The following KAT7 variants were observed in gnomAD, a reference collection of about 807,000 sequenced individuals.
KAT7 encodes lysine acetyltransferase 7.
A neutral mutation model predicts 82.1 loss-of-function variants in KAT7; 10 were observed. That is an observed-to-expected ratio of 0.12 (90% CI 0.08 to 0.21). The LOEUF (loss-of-function observed/expected upper bound fraction) is 0.21, where lower values mean the gene tolerates loss of function less well. KAT7 is among the 10% of genes least tolerant of loss of function. KAT7 has a pLI of 1.00. For synonymous variants in KAT7, 250 were observed against 262.5 expected (o/e 0.95, Z 0.46); for missense variants, 378 against 760.9 (o/e 0.50, Z 5.92).
At position 49,828,067 on chromosome 17, in the gene KAT7, A is replaced by T. The variant is rs1211515138; in HGVS notation, c.*565A>T. ...ATTAAGAGACCTCTTTTTGATCTGTATTGGGCTAACCAGAGCCAAATACTT... is the reference window on the plus strand; with the variant it reads ...ATTAAGAGACCTCTTTTTGATCTGTTTTGGGCTAACCAGAGCCAAATACTT... On this transcript the variant is annotated 3_prime_UTR_variant, in exon 15 of 15. Transcript: ENST00000259021. 6.6e-6 allele frequency: 1 copy of T among 152,488 alleles called. No individual in the cohort carries two copies. Among genetic ancestry groups the T allele is most frequent in the Non-Finnish European group, 1.5e-5 (1 of 68,300 alleles). The allele number at this position is 152,488 out of a possible 1,614,324, so 9.4% of individuals were successfully genotyped here.
chr17:49,816,153 G>T (rs1463486155), intron 8 of KAT7, among the ~76,000 whole-genome samples: 1 of 152,032 alleles, frequency 6.6e-6, no homozygotes, highest in East Asian at 1.9e-4. Flanking sequence ...GGAAGTACCA[G>T]TTTGGCTAGA....
intron 5 of KAT7, among the ~76,000 whole-genome samples, chr17:49,807,379 G>A (rs990794643): frequency 6.6e-6 from 1 of 152,194 alleles, no homozygotes; most frequent in Non-Finnish European, 1.5e-5. Flanking sequence ...AAGCAGTTGT[G>A]TAAAGATCTA....
At chr17:49,821,579 T>G in intron 10 of KAT7, 71 bp from the exon 11 acceptor site, 1 of 1,561,148 alleles carries the variant, frequency 6.4e-7, no homozygotes, top group Non-Finnish European at 8.8e-7. Context: ...TATGGTATGT[T>G]TGTGAATTTT....
rs746696166 is a variant in KAT7, at chr17:49,815,793, A to G, written c.853-10A>G. Reference sequence around the variant, plus strand: ...AGTATCAGAGTATCACGCTCTGGTTATTTTCCTAGGAACACAGACAGACCT... The same window carrying G: ...AGTATCAGAGTATCACGCTCTGGTTGTTTTCCTAGGAACACAGACAGACCT... On this transcript the variant is annotated splice_polypyrimidine_tract_variant and intron_variant, in intron 7 of 14. Transcript: ENST00000259021. The G allele has an allele frequency of 1.9e-6, 3 of 1,543,862 alleles. No homozygotes were observed. Among genetic ancestry groups the G allele is most frequent in the Non-Finnish European group, 8.9e-7 (1 of 1,117,872 alleles).
intron 4 of KAT7, among the ~76,000 whole-genome samples, chr17:49,800,442 T>C (rs1451046148): frequency 6.6e-6 from 1 of 152,174 alleles, no homozygotes; most frequent in Non-Finnish European, 1.5e-5. Context: ...TTCCTTGGAA[T>C]AAATAATGAG....
At position 49,826,740 on chromosome 17, in the gene KAT7, C is replaced by A; in HGVS notation, c.1675C>A (p.Leu559Met). 1 of 1,612,350 alleles carries A rather than the reference C, an allele frequency of 6.2e-7. No individual in the cohort carries two copies. The highest frequency in any genetic ancestry group is 1.1e-5 in the South Asian group (1 of 90,980). ...GAATCCTGTGGACATTGTCAGCACT[C>A]TGCAAGCCCTTCAGATGCTCAAATA... ...AVNPVDIVSTLQALQMLKYWK... is the reference protein window; with the variant it reads ...AVNPVDIVSTMQALQMLKYWK... Residue 559 changes from leucine (L) to methionine (M), a missense_variant, in exon 14 of 15, where the codon CTG (leucine) becomes ATG (methionine). Leu to Met is a conservative substitution (Grantham distance 15). Coordinates refer to ENST00000259021, the MANE Select transcript of KAT7 (RefSeq NM_007067.5).
chr17:49,805,305 C>T (rs1598064989), intron 4 of KAT7, 58 bp from the exon 5 acceptor site: 1 of 1,196,308 alleles, frequency 8.4e-7, no homozygotes, highest in South Asian at 1.2e-5. Context: ...CTTAGAGAAA[C>T]ATACTACTTT....
chr17:49,804,541 G>A (rs1330403888), intron 4 of KAT7, among the ~76,000 whole-genome samples: 1 of 152,022 alleles, frequency 6.6e-6, no homozygotes, highest in African/African-American at 2.4e-5. Flanking sequence ...TTTGGGAGGC[G>A]GAGGCAGGAA....
At chr17:49,820,622 A>G (rs1253423419) in intron 9 of KAT7, among the ~76,000 whole-genome samples, 1 of 152,062 alleles carries the variant, frequency 6.6e-6, no homozygotes, top group African/African-American at 2.4e-5. Context: ...TTCACCTAAC[A>G]GCAGATGGCT....
At chr17:49,813,000 CTT>C (rs34339283) in intron 7 of KAT7, among the ~76,000 whole-genome samples, 174 of 102,774 alleles carry the variant, frequency 1.7e-3, no homozygotes, top group South Asian at 3.6e-3. Flanking sequence ...TGCACCCAGC[CTT>C]TTTTTTTTTT....
At chr17:49,806,557 A>G (rs528950580) in intron 5 of KAT7, among the ~76,000 whole-genome samples, 1 of 152,198 alleles carries the variant, frequency 6.6e-6, no homozygotes, top group African/African-American at 2.4e-5. Context: ...GAAGCAGGAA[A>G]GGCTTCAGGT....
rs572944113 is a variant in KAT7 at position 49,833,158 on chromosome 17, G to A, written c.*5656G>A. 21 of 152,134 alleles carry A rather than the reference G, an allele frequency of 1.4e-4. No homozygotes were observed. Among genetic ancestry groups the A allele is most frequent in the Non-Finnish European group, 2.8e-4 (19 of 68,020 alleles). 9.4% of individuals were successfully genotyped at this position (152,134 alleles called of 1,614,324 possible). On this transcript the variant is annotated 3_prime_UTR_variant, in exon 15 of 15. Coordinates refer to ENST00000259021, the MANE Select transcript of KAT7 (RefSeq NM_007067.5). ...ATGTTGTTACCATTTGGGGGTTTGC[G>A]GATTTGTTTACTTGTGCCCAAGAAT...
rs1313948205 is a variant in KAT7 at position 49,828,131 on chromosome 17, A to G, written c.*629A>G. On this transcript the variant is annotated 3_prime_UTR_variant, in exon 15 of 15. Transcript: ENST00000259021. Reference sequence around the variant, plus strand: ...CAGGGACTAGTCATGGTAATAGCATATAATTGATCTGAATGAGATGGAGAG... The same window carrying G: ...CAGGGACTAGTCATGGTAATAGCATGTAATTGATCTGAATGAGATGGAGAG... 1.4e-4 allele frequency: 21 copies of G among 152,232 alleles called. No homozygotes were observed. The highest frequency in any genetic ancestry group is 1.4e-3 in the Admixed American group (21 of 15,268). 9.4% of individuals were successfully genotyped at this position (152,232 alleles called of 1,614,324 possible). A position where few individuals can be genotyped will look rare whatever the true frequency, so the allele number is the denominator to read the frequency against.
intron 4 of KAT7, 129 bp downstream of exon 4, chr17:49,798,687 A>G: frequency 1.2e-6 from 1 of 861,688 alleles, no homozygotes; most frequent in East Asian, 2.5e-5. Context: ...CTGAGTGATA[A>G]TGAGTTGCTC....
chr17:49,805,076 A>G (rs148808931), intron 4 of KAT7, among the ~76,000 whole-genome samples: 283 of 152,302 alleles, frequency 1.9e-3, no homozygotes, highest in South Asian at 3.5e-3. Flanking sequence ...TTTAATTACA[A>G]ATGTTGACTT....
intron 6 of KAT7, among the ~76,000 whole-genome samples, chr17:49,810,827 A>G (rs1405828679): frequency 6.6e-6 from 1 of 152,082 alleles, no homozygotes; most frequent in Non-Finnish European, 1.5e-5. Context: ...TGGAATTTTT[A>G]AATTGCCATA....
At chr17:49,791,248 A>G (rs1422471321) in intron 1 of KAT7, among the ~76,000 whole-genome samples, 1 of 152,236 alleles carries the variant, frequency 6.6e-6, no homozygotes, top group Admixed American at 6.5e-5. Flanking sequence ...AACAAAAGCT[A>G]CTCTAAGTTA....
intron 14 of KAT7, chr17:49,827,181 G>C: frequency 1.8e-6 from 1 of 548,432 alleles, no homozygotes; most frequent in Non-Finnish European, 3.2e-6. Context: ...ATACAATAAA[G>C]GTCGGTGAGC....
At chr17:49,812,356 C>T (rs1464992492) in intron 7 of KAT7, among the ~76,000 whole-genome samples, 1 of 150,646 alleles carries the variant, frequency 6.6e-6, no homozygotes, top group East Asian at 2.0e-4. Flanking sequence ...TCCCGAGTAG[C>T]TAGGATTACA....
Sources: allele counts gnomAD v4.1 joint callset (sites outside exome capture counted in the v4.1 genomes callset), GRCh38; gene constraint gnomAD v4.1.1; transcripts MANE v1.5; gene names NCBI Gene and HGNC (gene_info 2026-07-23, HGNC 2026-07-21).